ZCCHC4: variants seen among roughly 807,000 people sequenced by gnomAD.
ZCCHC4 encodes the protein zinc finger CCHC-type containing 4, also known as rRNA N(6)-adenosine-methyltransferase ZCCHC4.
In ZCCHC4, 54 loss-of-function variants were observed where a neutral mutation model predicts 67.7. The observed-to-expected ratio is 0.80, with a 90% CI of 0.64 to 1.00. ZCCHC4 has a LOEUF of 1.00. Among genes scored for constraint, ZCCHC4 ranks in the 50% least tolerant of loss-of-function variants. ZCCHC4 has a pLI of 0.00. For synonymous variants in ZCCHC4, 198 were observed against 213.5 expected (o/e 0.93, Z 0.63); for missense variants, 609 against 617.0 (o/e 0.99, Z 0.14).
At position 25,354,867 on chromosome 4, in the gene ZCCHC4, C is replaced by G. The variant is rs375130338; in HGVS notation, c.1011+3178C>G. ...ATTGAATGAAAACTTTGAGTCCCCT[C>G]TCCTTCACAGATCTTTTCCCATAGA... On this transcript the variant is annotated intron_variant, in intron 8 of 12. Coordinates refer to ENST00000302874, the MANE Select transcript of ZCCHC4 (RefSeq NM_024936.3). Among the ~76,000 whole-genome samples the G allele has an allele frequency of 3.9e-3, 566 of 145,664 alleles. 1 individual carries two copies. The highest frequency in any genetic ancestry group is 0.014 in the African/African-American group (537 of 39,650).
intron 8 of ZCCHC4, among the ~76,000 whole-genome samples, chr4:25,352,712 G>C (rs923884177): frequency 1.3e-5 from 2 of 152,226 alleles, no homozygotes; most frequent in Admixed American, 1.3e-4. Flanking sequence ...ATTGCACCCA[G>C]CCTGCTTCCT....
chr4:25,318,029 T>C (rs1172071357), intron 3 of ZCCHC4, among the ~76,000 whole-genome samples: 1 of 152,220 alleles, frequency 6.6e-6, no homozygotes. Context: ...ATAGTGATTA[T>C]TGAGAGAAAA....
intron 5 of ZCCHC4, among the ~76,000 whole-genome samples, chr4:25,344,627 A>T (rs1006044204): frequency 7.2e-5 from 11 of 151,890 alleles, no homozygotes; most frequent in African/African-American, 1.7e-4. Flanking sequence ...ATAAAATAAA[A>T]TAAATAAAAT....
intron 3 of ZCCHC4, among the ~76,000 whole-genome samples, chr4:25,328,831 C>G (rs1481200281): frequency 6.6e-6 from 1 of 152,188 alleles, no homozygotes; most frequent in African/African-American, 2.4e-5. Context: ...GATCCTCTCA[C>G]CTTGGCCTCC....
intron 5 of ZCCHC4, among the ~76,000 whole-genome samples, chr4:25,340,765 G>T (rs1476583895): frequency 1.3e-5 from 2 of 151,880 alleles, no homozygotes; most frequent in Non-Finnish European, 2.9e-5. Flanking sequence ...AATTTAAATG[G>T]TTTTCTGAAT....
chr4:25,334,830 GA>G (rs934617967), intron 5 of ZCCHC4, among the ~76,000 whole-genome samples: 5 of 151,956 alleles, frequency 3.3e-5, no homozygotes, highest in African/African-American at 1.2e-4. Context: ...TAAAAACAAA[GA>G]AGACAGATTT....
intron 3 of ZCCHC4, among the ~76,000 whole-genome samples, chr4:25,326,516 T>C (rs1718892674): frequency 6.6e-6 from 1 of 151,128 alleles, no homozygotes; most frequent in Admixed American, 6.6e-5. Context: ...TTTATATGTG[T>C]TTTTTTTTCT....
At chr4:25,342,438 A>G (rs1249124283) in intron 5 of ZCCHC4, among the ~76,000 whole-genome samples, 3 of 152,202 alleles carry the variant, frequency 2.0e-5, no homozygotes, top group African/African-American at 7.2e-5. Context: ...GGAGGTACGA[A>G]GTTCACATTT....
At chr4:25,326,542 C>T (rs1328366885) in intron 3 of ZCCHC4, among the ~76,000 whole-genome samples, 1 of 152,034 alleles carries the variant, frequency 6.6e-6, no homozygotes, top group African/African-American at 2.4e-5. Flanking sequence ...ATTTTTTTCC[C>T]TTGACCTATA....
chr4:25,315,306 ACT>A lies in ZCCHC4; in HGVS notation c.247-7_247-6del, dbSNP rs763802171. 203 of 1,606,002 alleles carry A rather than the reference ACT, an allele frequency of 1.3e-4. 1 individual carries two copies. The highest frequency in any genetic ancestry group is 3.3e-5 in the Non-Finnish European group (39 of 1,176,188). On this transcript the variant is annotated splice_polypyrimidine_tract_variant and intron_variant, in intron 2 of 12. Transcript: ENST00000302874. ...TCACAGTTTATTCAATGGGTTTTGT[ACT>A]CTCTTTCAGTTGTCAGGAGCTAGAC... is the stretch of plus-strand genomic sequence containing the variant.
intron 3 of ZCCHC4, among the ~76,000 whole-genome samples, chr4:25,317,410 A>G (rs1718312561): frequency 6.6e-6 from 1 of 152,082 alleles, no homozygotes; most frequent in Non-Finnish European, 1.5e-5. Flanking sequence ...CATCTTGAAA[A>G]GGGAATTAAA....
chr4:25,342,327 G>A (rs913036341), intron 5 of ZCCHC4, among the ~76,000 whole-genome samples: 3 of 152,080 alleles, frequency 2.0e-5, no homozygotes, highest in African/African-American at 7.2e-5. Context: ...CTTTGACTTT[G>A]GTTTTTTGGT....
chr4:25,315,938 A>G (rs1424153424), intron 3 of ZCCHC4, among the ~76,000 whole-genome samples: 4 of 152,096 alleles, frequency 2.6e-5, no homozygotes, highest in Admixed American at 2.6e-4. Flanking sequence ...CTCCTGGTCT[A>G]GAACTACTGG....
chr4:25,336,311 T>G (rs538332432), intron 5 of ZCCHC4, among the ~76,000 whole-genome samples: 1 of 152,336 alleles, frequency 6.6e-6, no homozygotes, highest in African/African-American at 2.4e-5. Flanking sequence ...TAGCAGTACT[T>G]CATGCCTCTT....
At chr4:25,328,653 C>T (rs1719016670) in intron 3 of ZCCHC4, among the ~76,000 whole-genome samples, 1 of 152,092 alleles carries the variant, frequency 6.6e-6, no homozygotes, top group African/African-American at 2.4e-5. Context: ...GCAATCATGG[C>T]TCACTGCAGC....
intron 8 of ZCCHC4, 53 bp downstream of exon 8, chr4:25,351,742 G>A: frequency 7.0e-7 from 1 of 1,424,268 alleles, no homozygotes. Context: ...GATTCTACTT[G>A]AATAGATATA....
In ZCCHC4 at chr4:25,365,006, A is replaced by T; in HGVS notation, c.1262-16A>T. 1 of 1,610,940 alleles carries T rather than the reference A, an allele frequency of 6.2e-7. No individual in the cohort carries two copies. Among genetic ancestry groups the T allele is most frequent in the South Asian group, 1.1e-5 (1 of 90,144 alleles). On this transcript the variant is annotated splice_polypyrimidine_tract_variant and intron_variant, in intron 11 of 12. Coordinates refer to ENST00000302874, the MANE Select transcript of ZCCHC4 (RefSeq NM_024936.3). ...GTTACATGAACTTCCTTTAAAACTT[A>T]ATTTTTATTTTACAGCCTGGATCCA... is the stretch of plus-strand genomic sequence containing the variant.
intron 6 of ZCCHC4, among the ~76,000 whole-genome samples, chr4:25,346,793 T>C (rs1720043595): frequency 6.6e-6 from 1 of 152,158 alleles, no homozygotes; most frequent in African/African-American, 2.4e-5. Context: ...TCACTAAGAA[T>C]TGAGAACTGT....
Position 25,369,088 on chromosome 4 carries a change from G to C in ZCCHC4, c.1466G>C (p.Gly489Ala), listed in dbSNP as rs770220368. The C allele has an allele frequency of 2.5e-6, 4 of 1,613,824 alleles. No homozygotes were observed. The South Asian group carries it at 4.4e-5, about 18-fold the overall frequency. The change falls in exon 13 of 13, where the codon GGA (glycine) becomes GCA (alanine). Residue 489 changes from glycine to alanine, a missense_variant. By Grantham distance (60) the Gly-to-Ala change is moderately conservative. Transcript: ENST00000302874. ...AAGATGAAAATGGAGACCACGAAAG[G>C]ACAATCCATGAATCATACATCTGCT... ...SNKMKMETTK[G>A]QSMNHTSATR...
Sources: allele counts gnomAD v4.1 joint callset (sites outside exome capture counted in the v4.1 genomes callset), GRCh38; gene constraint gnomAD v4.1.1; transcripts MANE v1.5; gene names NCBI Gene and HGNC (gene_info 2026-07-23, HGNC 2026-07-21).